ARHGEF7: variants seen among roughly 807,000 people sequenced by gnomAD.
ARHGEF7 encodes PAK-interacting exchange factor beta.
In ARHGEF7, 33 loss-of-function variants were observed where a neutral mutation model predicts 109.8. That is an observed-to-expected ratio of 0.30 (90% CI 0.23 to 0.40). ARHGEF7 has a LOEUF of 0.40. Ranked by LOEUF, ARHGEF7 falls within the 10% of genes least tolerant of loss-of-function variation. The probability of loss-of-function intolerance (pLI) is 1.00; values close to 1 mark genes in which losing one functional copy is unlikely to be tolerated. For synonymous variants in ARHGEF7, 458 were observed against 424.6 expected, an observed-to-expected ratio of 1.08 and a Z score of -0.97; for missense variants, 938 against 1,098.5, an observed-to-expected ratio of 0.85 and a Z score of 2.07.
intron 2 of ARHGEF7, among the ~76,000 whole-genome samples, chr13:111,159,869 T>A (rs2076616142): frequency 6.6e-6 from 1 of 152,164 alleles, no homozygotes; most frequent in Non-Finnish European, 1.5e-5. Flanking sequence ...GAAATCCCAT[T>A]TATCTTATTT....
At chr13:111,245,615 G>A (rs777496648) in intron 8 of ARHGEF7, among the ~76,000 whole-genome samples, 1 of 152,040 alleles carries the variant, frequency 6.6e-6, no homozygotes, top group African/African-American at 2.4e-5. Flanking sequence ...TCTGATGGCC[G>A]GCCACTACGC....
intron 8 of ARHGEF7, among the ~76,000 whole-genome samples, chr13:111,252,268 C>T (rs2089877046): frequency 6.6e-6 from 1 of 152,206 alleles, no homozygotes; most frequent in South Asian, 2.1e-4. Context: ...CTTCTCTAAG[C>T]TTTGGTGTAT....
chr13:111,215,585 G>C (rs1440010941), intron 4 of ARHGEF7, among the ~76,000 whole-genome samples: 2 of 152,190 alleles, frequency 1.3e-5, no homozygotes, highest in Non-Finnish European at 2.9e-5. Flanking sequence ...CACGTTGTAT[G>C]CTATGACTGT....
At chr13:111,152,414 C>T (rs1185106123) in intron 1 of ARHGEF7, among the ~76,000 whole-genome samples, 1 of 152,098 alleles carries the variant, frequency 6.6e-6, no homozygotes, top group Non-Finnish European at 1.5e-5. Flanking sequence ...AAGAGCAAAA[C>T]GGATTAGGAA....
At chr13:111,118,350 G>A (rs1406136174) in intron 1 of ARHGEF7, among the ~76,000 whole-genome samples, 1 of 152,194 alleles carries the variant, frequency 6.6e-6, no homozygotes, top group Non-Finnish European at 1.5e-5. Context: ...TTCCCGCTTT[G>A]CTTTTAAGGT....
chr13:111,301,703 ACCAACATGGCAAAAAC>A (rs2093572173), intron 21 of ARHGEF7, among the ~76,000 whole-genome samples, 171 bp downstream of exon 21: 1 of 152,170 alleles, frequency 6.6e-6, no homozygotes, highest in African/African-American at 2.4e-5. Flanking sequence ...GACCAACCTC[ACCAACATGGCAAAAAC>A]CCATCTCTAC....
At chr13:111,151,454 A>G (rs2075880877) in intron 1 of ARHGEF7, among the ~76,000 whole-genome samples, 1 of 152,228 alleles carries the variant, frequency 6.6e-6, no homozygotes, top group Non-Finnish European at 1.5e-5. Context: ...CAGCCTCACA[A>G]CAATACTGCT....
intron 5 of ARHGEF7, among the ~76,000 whole-genome samples, chr13:111,223,020 A>G (rs1218751996): frequency 6.6e-6 from 1 of 152,190 alleles, no homozygotes; most frequent in East Asian, 1.9e-4. Flanking sequence ...GTTGTTGTTA[A>G]TCCATTATTG....
intron 19 of ARHGEF7, chr13:111,294,089 T>A: frequency 2.0e-6 from 2 of 985,384 alleles, no homozygotes; most frequent in Non-Finnish European, 2.4e-6. Flanking sequence ...ATAAGAACAT[T>A]GAGGAGCAGT....
intron 2 of ARHGEF7, among the ~76,000 whole-genome samples, chr13:111,194,455 T>C (rs781738352): frequency 2.6e-5 from 4 of 152,174 alleles, no homozygotes; most frequent in Non-Finnish European, 5.9e-5. Context: ...TGCAACTGTT[T>C]TAATGTCTTA....
chr13:111,272,763 A>G lies in ARHGEF7; in HGVS notation c.1074-1051A>G, dbSNP rs1049890439. Among the ~76,000 whole-genome samples the G allele has an allele frequency of 6.6e-6, 1 of 152,094 alleles. No homozygotes were observed. Among genetic ancestry groups the G allele is most frequent in the African/African-American group, 2.4e-5 (1 of 41,418 alleles). ...CTTTCTGTGGGCTGTACACTGTCAG[A>G]TGTGTGGACTGATGGCACATGCAAT... On this transcript the variant is annotated intron_variant, in intron 9 of 21. Transcript: ENST00000646102. This position sits in a 1 kb window ranked among gnomAD's most constrained non-coding sequence, Gnocchi z 5.2.
chr13:111,141,871 G>GT (rs1237532477), intron 1 of ARHGEF7, among the ~76,000 whole-genome samples: 1 of 152,206 alleles, frequency 6.6e-6, no homozygotes, highest in Non-Finnish European at 1.5e-5. Flanking sequence ...GGATCATATG[G>GT]TAAGCCTACA....
At chr13:111,282,515 C>T (rs914500621) in intron 15 of ARHGEF7, among the ~76,000 whole-genome samples, 5 of 152,020 alleles carry the variant, frequency 3.3e-5, no homozygotes, top group South Asian at 2.1e-4. Flanking sequence ...GTTTTAATAC[C>T]AGGGTTTGGC....
intron 12 of ARHGEF7, chr13:111,275,941 G>A (rs565748459): frequency 2.3e-6 from 1 of 443,044 alleles, no homozygotes; most frequent in African/African-American, 2.0e-5. Flanking sequence ...AGGATAGATA[G>A]TGTGCAGAAA....
chr13:111,253,900 T>C (rs1430216985), intron 8 of ARHGEF7, among the ~76,000 whole-genome samples: 1 of 152,258 alleles, frequency 6.6e-6, no homozygotes, highest in Non-Finnish European at 1.5e-5. Context: ...TTGGCTCTGC[T>C]GCATGCCACC....
intron 8 of ARHGEF7, among the ~76,000 whole-genome samples, chr13:111,252,168 A>C (rs879321276): frequency 2.6e-5 from 4 of 152,240 alleles, no homozygotes; most frequent in Non-Finnish European, 5.9e-5. Flanking sequence ...GTCTCATTAT[A>C]AAATATCCAG....
Position 111,115,513 on chromosome 13 carries a change from C to G in ARHGEF7, c.-14C>G. On this transcript the variant is annotated 5_prime_UTR_variant, in exon 1 of 22. Transcript: ENST00000646102. ...GGCGCGCGCCCCTCCCCGCCTGCCT[C>G]CCGGGCCGCAGCGATGAATTCCGCC... 7.6e-7 allele frequency: 1 copy of G among 1,318,206 alleles called. No individual in the cohort carries two copies. Among genetic ancestry groups the G allele is most frequent in the Non-Finnish European group, 9.9e-7 (1 of 1,013,060 alleles). 81.7% of individuals were successfully genotyped at this position (1,318,206 alleles called of 1,614,324 possible).
intron 13 of ARHGEF7, 97 bp downstream of exon 13, chr13:111,277,770 G>C (rs756022274): frequency 1.0e-4 from 87 of 828,838 alleles, no homozygotes; most frequent in Non-Finnish European, 1.6e-4. Flanking sequence ...ATCTATCTGT[G>C]TATGTGCTGT....
chr13:111,176,099 T>C (rs78560856), intron 2 of ARHGEF7, among the ~76,000 whole-genome samples: 3,477 of 152,232 alleles, frequency 0.023, 122 homozygotes, highest in African/African-American at 0.077. Flanking sequence ...AAAGAGTTGG[T>C]TGGGGACACA....
Sources: allele counts gnomAD v4.1 joint callset (sites outside exome capture counted in the v4.1 genomes callset), GRCh38; gene constraint gnomAD v4.1.1; non-coding constraint Gnocchi (gnomAD v3.1); transcripts MANE v1.5; gene names NCBI Gene and HGNC (gene_info 2026-07-23, HGNC 2026-07-21).